FSIP2: variants seen among roughly 807,000 people sequenced by gnomAD.
The protein encoded by FSIP2 is fibrous sheath interacting protein 2, also known as fibrous sheath-interacting protein 2.
In FSIP2, 367 loss-of-function variants were observed where a neutral mutation model predicts 510.5. The ratio of observed to expected loss-of-function variants is 0.72; its 90% CI spans 0.66 to 0.78. The LOEUF (loss-of-function observed/expected upper bound fraction) is 0.78, where lower values mean the gene tolerates loss of function less well. FSIP2 is among the 30% of genes least tolerant of loss of function. FSIP2 has a pLI of 0.00. For missense variants in FSIP2, 7,594 were observed against 7,901.7 expected (o/e 0.96, Z 1.48); for synonymous variants, 2,601 against 2,732.2 (o/e 0.95, Z 1.50).
chr2:185,738,683 C>T (rs1308994001), upstream of FSIP2: 1 of 1,536,070 alleles, frequency 6.5e-7, no homozygotes, highest in Non-Finnish European at 8.7e-7. Flanking sequence ...ATTTTCCCAG[C>T]TCTGCGGGCG....
At chr2:185,769,335 A>G (rs1301880004) in intron 13 of FSIP2, among the ~76,000 whole-genome samples, 1 of 152,170 alleles carries the variant, frequency 6.6e-6, no homozygotes, top group Admixed American at 6.6e-5. Context: ...TGACTGGTGC[A>G]AGATGGTATC....
At chr2:185,817,693 A>T (rs1304783478) in intron 19 of FSIP2, among the ~76,000 whole-genome samples, 1 of 151,988 alleles carries the variant, frequency 6.6e-6, no homozygotes. Context: ...TAAGCATACA[A>T]AAAATGGGGA....
Position 185,794,814 on chromosome 2 carries a change from G to T in FSIP2, c.7678G>T (p.Glu2560Ter). The change falls in exon 16 of 23, where the codon GAA (glutamate) becomes TAA (stop). Residue 2560 changes from glutamate (E) to a stop codon, truncating the protein, a stop_gained. Transcript: ENST00000424728. LOFTEE classifies it high-confidence loss of function. ...MYLVVVTSLYENNKSRTEVEI... is the reference protein window; with the variant it reads ...MYLVVVTSLY ...CTTGGTAGTTGTGACATCATTATATGAAAATAATAAAAGTAGGACAGAAGT... is the reference window on the plus strand; with the variant it reads ...CTTGGTAGTTGTGACATCATTATATTAAAATAATAAAAGTAGGACAGAAGT... The T allele has an allele frequency of 6.5e-7, 1 of 1,532,078 alleles. No homozygotes were observed. The highest frequency in any genetic ancestry group is 1.2e-5 in the South Asian group (1 of 83,696). 94.9% of individuals were successfully genotyped at this position (1,532,078 alleles called of 1,614,324 possible). A position where few individuals can be genotyped will look rare whatever the true frequency, so the allele number is the denominator to read the frequency against.
rs1489926901 is a variant in FSIP2, at chr2:185,803,052, A to T, written c.13746A>T (p.Lys4582Asn). The change falls in exon 17 of 23, where the codon AAA (lysine) becomes AAT (asparagine). Residue 4582 changes from lysine (K) to asparagine (N), a missense_variant. Coordinates refer to ENST00000424728, the MANE Select transcript of FSIP2 (RefSeq NM_173651.4). Reference protein sequence around the residue: ...LIDRIAGFIIKHICQKHLQPF... With the variant: ...LIDRIAGFIINHICQKHLQPF... ...ATAGAATAGCAGGTTTCATCATTAA[A>T]CATATCTGTCAAAAACATCTTCAGC... 24 of 1,518,700 alleles carry T rather than the reference A, an allele frequency of 1.6e-5. No homozygotes were observed. The highest frequency in any genetic ancestry group is 2.0e-5 in the Non-Finnish European group (23 of 1,139,710). The allele number at this position is 1,518,700 out of a possible 1,614,324, so 94.1% of individuals were successfully genotyped here.
rs756775842 is a variant in FSIP2, at chr2:185,808,573, G to A, written c.19267G>A (p.Asp6423Asn). ...TACAGAAAGGATTTATCAGGTTGTC[G>A]ATTCCGTTTATAGTAACATACTGCA... is the stretch of plus-strand genomic sequence containing the variant. Reference protein sequence around the residue: ...ENTERIYQVVDSVYSNILQQS... With the variant: ...ENTERIYQVVNSVYSNILQQS... Residue 6423 changes from aspartate to asparagine, a missense_variant, in exon 17 of 23, where the codon GAT becomes AAT. Physicochemically the swap from Asp to Asn is conservative, Grantham distance 23. Coordinates refer to ENST00000424728, the MANE Select transcript of FSIP2 (RefSeq NM_173651.4). 5 of 1,612,090 alleles carry A rather than the reference G, an allele frequency of 3.1e-6. No homozygotes were observed. The highest frequency in any genetic ancestry group is 2.7e-5 in the African/African-American group (2 of 74,940).
chr2:185,816,929 GAGAA>G (rs981541563), intron 19 of FSIP2, among the ~76,000 whole-genome samples: 9 of 148,208 alleles, frequency 6.1e-5, no homozygotes, highest in East Asian at 2.0e-4. Flanking sequence ...AAGAGTAAAT[GAGAA>G]AGAGAGAGAA....
intron 19 of FSIP2, 57 bp from the exon 20 acceptor site, chr2:185,824,377 G>A: frequency 2.6e-6 from 3 of 1,162,624 alleles, no homozygotes; most frequent in Middle Eastern, 1.9e-4. Context: ...TGCTTAACCA[G>A]TAACTTCTTC....
At chr2:185,739,497 T>C (rs1045460730) in intron 2 of FSIP2, 26 bp downstream of exon 2, 8 of 1,476,274 alleles carry the variant, frequency 5.4e-6, no homozygotes, top group Non-Finnish European at 5.4e-6. Context: ...TCGTCTTTCT[T>C]TCCTTTACCC....
intron 13 of FSIP2, among the ~76,000 whole-genome samples, chr2:185,771,006 A>G (rs1460131227): frequency 6.6e-6 from 1 of 152,200 alleles, no homozygotes; most frequent in Non-Finnish European, 1.5e-5. Flanking sequence ...TCAAAGCTCC[A>G]AAATAATCTC....
In FSIP2 at chr2:185,799,678, C is replaced by T. The variant is rs954503120; in HGVS notation, c.10391-19C>T. ...TTTTCTTTAATCCATGCTAAAATTA[C>T]AATGTTTCCTTTTTTAAGTTTTTAG... On this transcript the variant is annotated intron_variant, in intron 16 of 22. Coordinates refer to ENST00000424728, the MANE Select transcript of FSIP2 (RefSeq NM_173651.4). 8.7e-7 allele frequency: 1 copy of T among 1,148,160 alleles called. No individual in the cohort carries two copies. The highest frequency in any genetic ancestry group is 3.5e-5 in the Admixed American group (1 of 28,788). The allele number at this position is 1,148,160 out of a possible 1,614,324, so 71.1% of individuals were successfully genotyped here. A position where few individuals can be genotyped will look rare whatever the true frequency, so the allele number is the denominator to read the frequency against.
In FSIP2 at chr2:185,804,931, C is replaced by T. The variant is rs774660891; in HGVS notation, c.15625C>T (p.Gln5209Ter). Reference sequence around the variant, plus strand: ...AACATCTGAATTCCAAGCTGAAGTACAAAAAGATGCAGACAAAAAAGGATG... The same window carrying T: ...AACATCTGAATTCCAAGCTGAAGTATAAAAAGATGCAGACAAAAAAGGATG... ...LKTSEFQAEVQKDADKKGCSF... is the reference protein window; with the variant it reads ...LKTSEFQAEV Residue 5209 changes from glutamine to a stop codon, truncating the protein, a stop_gained, in exon 17 of 23, where the codon CAA becomes TAA. Transcript: ENST00000424728. LOFTEE classifies it high-confidence loss of function. 1 of 1,526,142 alleles carries T rather than the reference C, an allele frequency of 6.6e-7. No individual in the cohort carries two copies. The highest frequency in any genetic ancestry group is 8.7e-7 in the Non-Finnish European group (1 of 1,143,354). The allele number at this position is 1,526,142 out of a possible 1,614,324, so 94.5% of individuals were successfully genotyped here. A position where few individuals can be genotyped will look rare whatever the true frequency, so the allele number is the denominator to read the frequency against.
intron 13 of FSIP2, chr2:185,765,417 T>C (rs1293849515): frequency 6.6e-6 from 1 of 152,036 alleles, no homozygotes; most frequent in Non-Finnish European, 1.5e-5. Flanking sequence ...TCCCCATTGC[T>C]TGTTTTTCTC....
At chr2:185,833,010 C>A in intron 22 of FSIP2, 80 bp from the exon 23 acceptor site, 1 of 1,256,600 alleles carries the variant, frequency 8.0e-7, no homozygotes, top group Non-Finnish European at 1.1e-6. Flanking sequence ...CCACCTTTTA[C>A]TCATATGACC....
Position 185,808,883 on chromosome 2 carries a change from G to GA in FSIP2, c.19584dup (p.Pro6529ThrfsTer24). 1.9e-6 allele frequency: 3 copies of GA among 1,606,410 alleles called. No homozygotes were observed. The highest frequency in any genetic ancestry group is 1.7e-4 in the Middle Eastern group (1 of 5,978). ...CCAATTAAAATAGTTCCACATGTTG[G>GA]AAAAAAACCAGTCAAAATAGATCCA... On this transcript the variant is annotated frameshift_variant, in exon 17 of 23. Coordinates refer to ENST00000424728, the MANE Select transcript of FSIP2 (RefSeq NM_173651.4). LOFTEE classifies it high-confidence loss of function.
Position 185,804,299 on chromosome 2 carries a change from C to T in FSIP2, c.14993C>T (p.Thr4998Ile). 1 of 1,518,016 alleles carries T rather than the reference C, an allele frequency of 6.6e-7. No homozygotes were observed. Among genetic ancestry groups the T allele is most frequent in the Non-Finnish European group, 8.8e-7 (1 of 1,139,788 alleles). The allele number at this position is 1,518,016 out of a possible 1,614,324, so 94.0% of individuals were successfully genotyped here. The change falls in exon 17 of 23, where the codon ACA (threonine) becomes ATA (isoleucine). Residue 4998 changes from threonine to isoleucine, a missense_variant. Physicochemically the swap from Thr to Ile is moderately conservative, Grantham distance 89. Transcript: ENST00000424728. The stretch of plus-strand genomic sequence containing the variant: ...AATTCAATTGTTCTGGAGTTCACCA[C>T]ATCAGAGATTTTAGTTGCAGATAAC... ...LVNSIVLEFTTSEILVADNFD... is the reference protein window; with the variant it reads ...LVNSIVLEFTISEILVADNFD...
rs1201074409 is a variant in FSIP2 at position 185,801,854 on chromosome 2, A to G, written c.12548A>G (p.Asn4183Ser). ...AATGAAATGTCCACTTGTATAATAA[A>G]TAAGGTTATGTCAGCCATTTCAAAA... ...DFNEMSTCII[N>S]KVMSAISKHK... The change falls in exon 17 of 23, where the codon AAT becomes AGT. Residue 4183 changes from asparagine to serine, a missense_variant. Asn to Ser is a conservative substitution (Grantham distance 46, BLOSUM62 1). Coordinates refer to ENST00000424728, the MANE Select transcript of FSIP2 (RefSeq NM_173651.4). 29 of 1,486,232 alleles carry G rather than the reference A, an allele frequency of 2.0e-5. No homozygotes were observed. The highest frequency in any genetic ancestry group is 2.5e-5 in the Non-Finnish European group (28 of 1,120,096). The allele number at this position is 1,486,232 out of a possible 1,614,324, so 92.1% of individuals were successfully genotyped here. A position where few individuals can be genotyped will look rare whatever the true frequency, so the allele number is the denominator to read the frequency against.
chr2:185,786,648 G>A (rs1445661810), intron 15 of FSIP2, among the ~76,000 whole-genome samples: 2 of 151,876 alleles, frequency 1.3e-5, no homozygotes, highest in African/African-American at 4.8e-5. Context: ...GGTGAACTCA[G>A]TAGTAGGTGA....
chr2:185,757,024 G>T (rs1444140657), intron 9 of FSIP2, among the ~76,000 whole-genome samples: 5 of 151,332 alleles, frequency 3.3e-5, no homozygotes, highest in Admixed American at 6.6e-5. Context: ...CTGAGGTTCA[G>T]TTAATTTAAC....
Position 185,808,502 on chromosome 2 carries a change from G to T in FSIP2, c.19196G>T (p.Ser6399Ile). 1 of 1,610,710 alleles carries T rather than the reference G, an allele frequency of 6.2e-7. No individual in the cohort carries two copies. The highest frequency in any genetic ancestry group is 8.5e-7 in the Non-Finnish European group (1 of 1,178,762). ...VTAEISRSSISLIASDPEEHC... is the reference protein window; with the variant it reads ...VTAEISRSSIILIASDPEEHC... ...GCTGAAATTTCCAGAAGTAGCATTA[G>T]TCTAATAGCTTCTGATCCTGAAGAG... The change falls in exon 17 of 23, where the codon AGT (serine) becomes ATT (isoleucine). Residue 6399 changes from serine to isoleucine, a missense_variant. Physicochemically the swap from Ser to Ile is moderately radical, Grantham distance 142 (BLOSUM62 -2). Coordinates refer to ENST00000424728, the MANE Select transcript of FSIP2 (RefSeq NM_173651.4).
Sources: allele counts gnomAD v4.1 joint callset (sites outside exome capture counted in the v4.1 genomes callset), GRCh38; gene constraint gnomAD v4.1.1; transcripts MANE v1.5; gene names NCBI Gene and HGNC (gene_info 2026-07-23, HGNC 2026-07-21).